GRIN2A: variants seen among roughly 807,000 people sequenced by gnomAD.
GRIN2A encodes glutamate receptor ionotropic, NMDA 2A.
Under a neutral mutation model 113.4 loss-of-function variants are expected in GRIN2A, and 22 were observed. The ratio of observed to expected loss-of-function variants is 0.19; its 90% CI spans 0.14 to 0.28. GRIN2A has a LOEUF of 0.28. Among genes scored for constraint, GRIN2A ranks in the 10% least tolerant of loss-of-function variants. The pLI is 1.00. For synonymous variants in GRIN2A, 827 were observed against 738.4 expected (o/e 1.12, Z -1.94); for missense variants, 1,502 against 1,887.0 (o/e 0.80, Z 3.78).
chr16:9,893,163 C>T (rs1427898523), intron 3 of GRIN2A, among the ~76,000 whole-genome samples: 1 of 152,062 alleles, frequency 6.6e-6, no homozygotes, highest in African/African-American at 2.4e-5. Flanking sequence ...CCATTCGGGT[C>T]ATTGAAAATC....
At position 9,798,641 on chromosome 16, in the gene GRIN2A, C is replaced by T. The variant is rs568173186; in HGVS notation, c.2169-177G>A. ...CTATTTTTAATGAGGAGATAAAAGC[C>T]AGAACCTTTTCTCTCCAACTTACAA... On this transcript the variant is annotated intron_variant, in intron 10 of 12. Transcript: ENST00000330684. Among the ~76,000 whole-genome samples the T allele has an allele frequency of 2.0e-5, 3 of 152,310 alleles. No individual in the cohort carries two copies. The East Asian group carries it at 5.8e-4, about 29-fold the overall frequency.
At chr16:10,154,064 G>A (rs761959230) in intron 2 of GRIN2A, among the ~76,000 whole-genome samples, 1 of 152,114 alleles carries the variant, frequency 6.6e-6, no homozygotes, top group Non-Finnish European at 1.5e-5. Context: ...TCTCGTTCCA[G>A]GCACATGGCA....
At chr16:10,046,909 A>G (rs2047269225) in intron 2 of GRIN2A, among the ~76,000 whole-genome samples, 2 of 152,206 alleles carry the variant, frequency 1.3e-5, no homozygotes, top group Admixed American at 1.3e-4. Flanking sequence ...AGTGCTGTGT[A>G]TATCAGTTGC....
chr16:9,817,769 T>C (rs539462548), intron 10 of GRIN2A, among the ~76,000 whole-genome samples: 12 of 152,186 alleles, frequency 7.9e-5, no homozygotes, highest in Non-Finnish European at 1.6e-4. Context: ...ACCCACAATT[T>C]CACTGACCCT....
At chr16:9,813,691 C>T (rs546750869) in intron 10 of GRIN2A, among the ~76,000 whole-genome samples, 1 of 149,048 alleles carries the variant, frequency 6.7e-6, no homozygotes, top group Admixed American at 6.7e-5. Flanking sequence ...AAGAACCCCA[C>T]CCCCCCGCAA....
chr16:10,163,073 A>AC, intron 2 of GRIN2A, among the ~76,000 whole-genome samples: 1 of 152,282 alleles, frequency 6.6e-6, no homozygotes, highest in South Asian at 2.1e-4. Context: ...AGCACATCAC[A>AC]CCCCAAAACC....
intron 2 of GRIN2A, among the ~76,000 whole-genome samples, chr16:10,085,093 G>A (rs1055471538): frequency 1.3e-5 from 2 of 152,138 alleles, no homozygotes; most frequent in Non-Finnish European, 2.9e-5. Flanking sequence ...GAGAGTTTTG[G>A]TCACTTGTTC....
At chr16:10,156,865 A>T (rs2049708842) in intron 2 of GRIN2A, among the ~76,000 whole-genome samples, 1 of 152,196 alleles carries the variant, frequency 6.6e-6, no homozygotes, top group African/African-American at 2.4e-5. Context: ...AAAAGTAAAG[A>T]TGGAGGTGGG....
chr16:9,907,625 A>C (rs2044052386), intron 3 of GRIN2A, among the ~76,000 whole-genome samples: 1 of 152,240 alleles, frequency 6.6e-6, no homozygotes, highest in Non-Finnish European at 1.5e-5. Flanking sequence ...TTTAAAAATA[A>C]AATTTAAAAT....
At chr16:10,149,295 T>C (rs915817763) in intron 2 of GRIN2A, among the ~76,000 whole-genome samples, 1 of 152,246 alleles carries the variant, frequency 6.6e-6, no homozygotes, top group African/African-American at 2.4e-5. Flanking sequence ...GATATGATTA[T>C]AGCACATTTG....
chr16:10,122,084 T>C (rs1437422191), intron 2 of GRIN2A, among the ~76,000 whole-genome samples: 1 of 152,214 alleles, frequency 6.6e-6, no homozygotes, highest in Non-Finnish European at 1.5e-5. Context: ...AGCGCCCTTC[T>C]GGGCACTACC....
chr16:9,934,961 C>G (rs1221383514), intron 3 of GRIN2A, among the ~76,000 whole-genome samples: 1 of 151,958 alleles, frequency 6.6e-6, no homozygotes, highest in Non-Finnish European at 1.5e-5. Context: ...ACGCTTGATG[C>G]ATTGCTTCTC....
chr16:10,039,614 G>GGCGCGGGGAGGGCCT (rs1567253570), intron 2 of GRIN2A, among the ~76,000 whole-genome samples: 1 of 151,790 alleles, frequency 6.6e-6, no homozygotes, highest in Non-Finnish European at 1.5e-5. Context: ...GGTGGCGTTG[G>GGCGCGGGGAGGGCCT]GCGCGGGGAG....
In GRIN2A at chr16:9,761,727, T is replaced by A. The variant is rs1011236743; in HGVS notation, c.*1422A>T. On this transcript the variant is annotated 3_prime_UTR_variant, in exon 13 of 13. Transcript: ENST00000330684. ...CTCTGTCTCTAACTTAAAAAAAAAA[T>A]GGATATCATTTCATGTCATATATGC... 2.0e-4 allele frequency: 44 copies of A among 219,640 alleles called. No homozygotes were observed. Among genetic ancestry groups the A allele is most frequent in the African/African-American group, 8.5e-4 (38 of 44,478 alleles). The allele number at this position is 219,640 out of a possible 1,614,324, so 13.6% of individuals were successfully genotyped here.
intron 2 of GRIN2A, among the ~76,000 whole-genome samples, chr16:9,980,539 T>C (rs765957841): frequency 7.9e-5 from 12 of 152,090 alleles, no homozygotes; most frequent in Non-Finnish European, 1.8e-4. Flanking sequence ...CATGCACATG[T>C]ATGTTTACTG....
At chr16:10,102,737 A>C (rs2048424452) in intron 2 of GRIN2A, among the ~76,000 whole-genome samples, 1 of 152,118 alleles carries the variant, frequency 6.6e-6, no homozygotes. Context: ...TTATAGCAAC[A>C]CAAGAATGGA....
intron 2 of GRIN2A, among the ~76,000 whole-genome samples, chr16:10,151,700 C>T (rs1282865365): frequency 6.6e-6 from 1 of 152,170 alleles, no homozygotes; most frequent in East Asian, 1.9e-4. Context: ...CCACTACCAT[C>T]TTGTGTTTGT....
chr16:9,782,464 TA>T (rs372138462), intron 11 of GRIN2A, among the ~76,000 whole-genome samples: 52 of 152,274 alleles, frequency 3.4e-4, no homozygotes, highest in African/African-American at 1.2e-3. Flanking sequence ...TTAAAGTGTT[TA>T]AAAAATATAG....
In GRIN2A at chr16:10,098,534, CAA is replaced by C. The variant is rs368944433; in HGVS notation, c.414+81462_414+81463del. On this transcript the variant is annotated intron_variant, in intron 2 of 12. Transcript: ENST00000330684. ...TTTACAGCAGCACAATTCACAAATG[CAA>C]AAATATGGAATCAGCCCAAATGCCC... Among the ~76,000 whole-genome samples, 1,455 of 152,188 alleles carry C rather than the reference CAA, an allele frequency of 9.6e-3. 26 individuals are homozygous for C. Among genetic ancestry groups the C allele is most frequent in the African/African-American group, 0.033 (1,371 of 41,506 alleles).
Sources: gnomAD v4.1 joint callset for allele counts (sites outside exome capture counted in the v4.1 genomes callset) on GRCh38, gnomAD v4.1.1 for gene constraint, MANE v1.5 for transcripts, NCBI Gene and HGNC (gene_info 2026-07-23, HGNC 2026-07-21) for gene names.